Variants in JMJD1C observed in about 807,000 individuals in gnomAD.
JMJD1C encodes jumonji domain containing 1C.
Under a neutral mutation model 245.3 loss-of-function variants are expected in JMJD1C, and 31 were observed. That is an observed-to-expected ratio of 0.13 (90% confidence interval 0.09 to 0.17). JMJD1C has a LOEUF of 0.17. Among genes scored for constraint, JMJD1C ranks in the 10% least tolerant of loss-of-function variants. JMJD1C has a pLI of 1.00. For missense variants in JMJD1C, 2,691 were observed against 3,000.2 expected, an observed-to-expected ratio of 0.90 and a Z score of 2.41; for synonymous variants, 1,057 against 1,017.4, an observed-to-expected ratio of 1.04 and a Z score of -0.74.
chr10:63,262,819 G>T (rs1854956089), intron 3 of JMJD1C, among the ~76,000 whole-genome samples: 1 of 37,838 alleles, frequency 2.6e-5, no homozygotes, highest in African/African-American at 3.1e-4. Context: ...AAAAAGTTAG[G>T]GTACCCCCCC....
chr10:63,361,735 AAAAAAAAAAAAAG>A (rs1190748632), intron 2 of JMJD1C, among the ~76,000 whole-genome samples: 1 of 149,960 alleles, frequency 6.7e-6, no homozygotes, highest in Non-Finnish European at 1.5e-5. Flanking sequence ...AAAAAAAAAA[AAAAAAAAAAAAAG>A]AAAAAGAATA....
intron 2 of JMJD1C, among the ~76,000 whole-genome samples, chr10:63,347,646 C>T (rs1238373145): frequency 6.6e-6 from 1 of 150,746 alleles, no homozygotes; most frequent in Admixed American, 6.6e-5. Context: ...GGCGTAGTGG[C>T]TCATGCCTGT....
At chr10:63,446,565 A>T (rs1951730625) in intron 1 of JMJD1C, among the ~76,000 whole-genome samples, 1 of 152,220 alleles carries the variant, frequency 6.6e-6, no homozygotes, top group African/African-American at 2.4e-5. Flanking sequence ...ATTAGCCCTT[A>T]AAGGATTGTA....
chr10:63,172,454 T>C (rs1360890818), intron 24 of JMJD1C, among the ~76,000 whole-genome samples: 1 of 152,192 alleles, frequency 6.6e-6, no homozygotes, highest in Non-Finnish European at 1.5e-5. Context: ...TGAGAACGTA[T>C]TTTCTGGCCT....
intron 1 of JMJD1C, among the ~76,000 whole-genome samples, chr10:63,423,378 C>T (rs548654496): frequency 4.2e-4 from 64 of 152,250 alleles, no homozygotes; most frequent in African/African-American, 1.5e-3. Context: ...TATGAATTTG[C>T]CTATTCTAGA....
intron 1 of JMJD1C, among the ~76,000 whole-genome samples, chr10:63,496,034 C>T (rs1447808696): frequency 7.7e-6 from 1 of 130,648 alleles, no homozygotes; most frequent in Non-Finnish European, 1.6e-5. Flanking sequence ...GGCAATTGCA[C>T]TAAAAAAAAA....
At chr10:63,196,406 A>G (rs116106012) in intron 13 of JMJD1C, among the ~76,000 whole-genome samples, 2,258 of 152,354 alleles carry the variant, frequency 0.015, 52 homozygotes, top group African/African-American at 0.052. Context: ...AAATACATGT[A>G]TTGTGGTTTC....
At chr10:63,183,945 T>C (rs1843786959) in intron 21 of JMJD1C, among the ~76,000 whole-genome samples, 2 of 152,340 alleles carry the variant, frequency 1.3e-5, no homozygotes, top group South Asian at 2.1e-4. Context: ...AATTCTTTTT[T>C]TGAGAAGGAG....
chr10:63,335,157 C>T (rs972148371), intron 2 of JMJD1C, among the ~76,000 whole-genome samples: 1 of 152,076 alleles, frequency 6.6e-6, no homozygotes, highest in African/African-American at 2.4e-5. Flanking sequence ...TGACAAAGTG[C>T]CTCTGAATGT....
intron 5 of JMJD1C, among the ~76,000 whole-genome samples, 190 bp from the exon 6 acceptor site, chr10:63,215,886 T>A (rs1847925478): frequency 6.6e-6 from 1 of 152,228 alleles, no homozygotes; most frequent in African/African-American, 2.4e-5. Context: ...AAACTCACCA[T>A]TTCAACTGCT....
At chr10:63,311,175 A>T (rs189233754) in intron 2 of JMJD1C, among the ~76,000 whole-genome samples, 1 of 151,598 alleles carries the variant, frequency 6.6e-6, no homozygotes, top group Admixed American at 6.6e-5. Flanking sequence ...GTTCGAGACC[A>T]GCCAGGCCAA....
intron 3 of JMJD1C, among the ~76,000 whole-genome samples, chr10:63,243,103 T>TATATATATATATATATATATATATATATA (rs1851692218): frequency 8.3e-6 from 1 of 120,106 alleles, no homozygotes; most frequent in Non-Finnish European, 1.8e-5. Flanking sequence ...CTAACATAAA[T>TATATATATATATATATATATATATATATA]TATATATATA....
chr10:63,213,380 G>T, intron 8 of JMJD1C, 93 bp downstream of exon 8: 1 of 793,152 alleles, frequency 1.3e-6, no homozygotes, highest in Non-Finnish European at 2.0e-6. Context: ...TTTATAATAG[G>T]AAATGACCTA....
At chr10:63,251,520 A>T (rs1054877936) in intron 3 of JMJD1C, among the ~76,000 whole-genome samples, 2 of 152,226 alleles carry the variant, frequency 1.3e-5, no homozygotes, top group African/African-American at 4.8e-5. Flanking sequence ...CAATCTGAAG[A>T]AGATATTAGA....
At chr10:63,407,883 A>C (rs771799851) in intron 1 of JMJD1C, among the ~76,000 whole-genome samples, 22 of 151,826 alleles carry the variant, frequency 1.4e-4, no homozygotes, top group Non-Finnish European at 2.9e-4. Context: ...TAAAAAATAC[A>C]ATAGGTTTAG....
intron 3 of JMJD1C, among the ~76,000 whole-genome samples, chr10:63,235,808 C>T (rs10761728): frequency 0.66 from 101,022 of 152,048 alleles, 36,181 homozygotes; most frequent in Non-Finnish European, 0.81. Context: ...CCCATCCATG[C>T]GCTTGCATAA....
At chr10:63,467,788 T>C (rs1354996731), upstream of JMJD1C, among the ~76,000 whole-genome samples, 6 of 152,226 alleles carry the variant, frequency 3.9e-5, no homozygotes, top group African/African-American at 7.2e-5. Flanking sequence ...AACATCCAGA[T>C]ACCAAGTCAT....
intron 13 of JMJD1C, among the ~76,000 whole-genome samples, chr10:63,196,188 G>A (rs1196995387): frequency 4.3e-5 from 6 of 139,776 alleles, no homozygotes; most frequent in Non-Finnish European, 7.8e-5. Context: ...GAATCCAGGA[G>A]GCCAAGATTG....
intron 1 of JMJD1C, among the ~76,000 whole-genome samples, chr10:63,503,717 A>G (rs1954632953): frequency 1.3e-5 from 2 of 152,230 alleles, no homozygotes; most frequent in Admixed American, 6.5e-5. Context: ...GTGAATCCAG[A>G]GCAATTTTTC....
Sources: gnomAD v4.1 joint callset for allele counts (sites outside exome capture counted in the v4.1 genomes callset) on GRCh38, gnomAD v4.1.1 for gene constraint, MANE v1.5 for transcripts, NCBI Gene and HGNC (gene_info 2026-07-23, HGNC 2026-07-21) for gene names.